CYP19A1: variants seen among roughly 807,000 people sequenced by gnomAD.
The protein encoded by CYP19A1 is aromatase.
A neutral mutation model predicts 44.4 loss-of-function variants in CYP19A1; 32 were observed. The observed-to-expected ratio is 0.72, with a 90% confidence interval of 0.54 to 0.97. The LOEUF is 0.97. CYP19A1 is among the 50% of genes least tolerant of loss of function. The probability of loss-of-function intolerance (pLI) is 0.00; values close to 1 mark genes in which losing one functional copy is unlikely to be tolerated. For missense variants in CYP19A1, 598 were observed against 637.8 expected (o/e 0.94, Z 0.67); for synonymous variants, 212 against 215.6 (o/e 0.98, Z 0.14).
intron 1 of CYP19A1, among the ~76,000 whole-genome samples, chr15:51,328,009 A>G (rs2036639315): frequency 6.6e-6 from 1 of 152,242 alleles, no homozygotes; most frequent in Admixed American, 6.5e-5. Context: ...CCTACTAAGT[A>G]GTTAGATGTC....
chr15:51,310,230 A>C (rs555148180), intron 1 of CYP19A1, among the ~76,000 whole-genome samples: 78 of 152,340 alleles, frequency 5.1e-4, no homozygotes, highest in African/African-American at 1.9e-3. Flanking sequence ...TACAAAAAAA[A>C]CAATTAACTG....
intron 4 of CYP19A1, among the ~76,000 whole-genome samples, chr15:51,226,563 C>T (rs993947553): frequency 6.6e-6 from 1 of 152,146 alleles, no homozygotes; most frequent in African/African-American, 2.4e-5. Context: ...GGCATAGCTC[C>T]CCCCATCTCA....
intron 8 of CYP19A1, 65 bp from the exon 9 acceptor site, chr15:51,212,626 G>A (rs1270371127): frequency 3.7e-6 from 4 of 1,088,674 alleles, no homozygotes. Flanking sequence ...TGGTATTAAA[G>A]CTTCTATTTT....
At chr15:51,279,357 G>T (rs577460050) in intron 1 of CYP19A1, among the ~76,000 whole-genome samples, 20 of 152,312 alleles carry the variant, frequency 1.3e-4, no homozygotes, top group Admixed American at 1.3e-3. Context: ...TGGGAGCCCA[G>T]CAGGAAGATG....
At chr15:51,328,072 G>T (rs74016707) in intron 1 of CYP19A1, among the ~76,000 whole-genome samples, 8,172 of 152,268 alleles carry the variant, frequency 0.054, 737 homozygotes, top group African/African-American at 0.19. Context: ...TGCACACAGA[G>T]TCACATGTGT....
At chr15:51,213,660 A>G (rs73393694) in intron 8 of CYP19A1, among the ~76,000 whole-genome samples, 5,463 of 152,242 alleles carry the variant, frequency 0.036, 119 homozygotes, top group African/African-American at 0.057. Context: ...CTGCTTTTCC[A>G]TCTTTGCAGA....
intron 1 of CYP19A1, chr15:51,277,963 T>TTTC (rs1031293451): frequency 2.7e-5 from 4 of 149,196 alleles, no homozygotes; most frequent in African/African-American, 1.0e-4. Context: ...AGTTTTTTTT[T>TTTC]TTTTTTTTTT....
chr15:51,301,027 C>T (rs531862443), intron 1 of CYP19A1, among the ~76,000 whole-genome samples: 6 of 152,164 alleles, frequency 3.9e-5, no homozygotes, highest in Non-Finnish European at 7.3e-5. Flanking sequence ...GGAACCAGTT[C>T]ACAGGGTGGT....
intron 1 of CYP19A1, among the ~76,000 whole-genome samples, chr15:51,308,156 G>A (rs1016523130): frequency 1.3e-5 from 2 of 152,220 alleles, no homozygotes; most frequent in African/African-American, 4.8e-5. Flanking sequence ...CCTGGAGTAG[G>A]AGGAGAAGCT....
At chr15:51,318,655 G>A (rs2141019815) in intron 1 of CYP19A1, 1 of 152,362 alleles carries the variant, frequency 6.6e-6, no homozygotes, top group African/African-American at 2.4e-5. Context: ...GGGTGTCAGA[G>A]TTTTCCCAAT....
At chr15:51,261,207 A>G (rs2034706848) in intron 1 of CYP19A1, among the ~76,000 whole-genome samples, 1 of 152,140 alleles carries the variant, frequency 6.6e-6, no homozygotes, top group Admixed American at 6.5e-5. Context: ...ATAGAGCTAT[A>G]ACACTCACCG....
intron 1 of CYP19A1, among the ~76,000 whole-genome samples, chr15:51,243,400 C>G (rs538731458): frequency 6.6e-6 from 1 of 152,312 alleles, no homozygotes; most frequent in East Asian, 1.9e-4. Context: ...TCCCAACTCC[C>G]CTTTTTGACC....
rs28892005 is a variant in CYP19A1, at chr15:51,227,748, A to AAG, written c.451+30_451+31insCT. On this transcript the variant is annotated intron_variant, in intron 4 of 9. Coordinates refer to ENST00000396402, the MANE Select transcript of CYP19A1 (RefSeq NM_000103.4). ...CAAAAAAGGCACATTCATAGACAAA[A>AAG]AAGATTGTAGCTAACTAAGTACCTG... 7.4e-6 allele frequency: 7 copies of AAG among 942,958 alleles called. 1 individual carries two copies. Among genetic ancestry groups the AAG allele is most frequent in the South Asian group, 1.4e-5 (1 of 72,250 alleles). 58.4% of individuals were successfully genotyped at this position (942,958 alleles called of 1,614,324 possible). A position where few individuals can be genotyped will look rare whatever the true frequency, so the allele number is the denominator to read the frequency against.
chr15:51,290,528 G>C (rs2035818273), intron 1 of CYP19A1, among the ~76,000 whole-genome samples: 1 of 152,194 alleles, frequency 6.6e-6, no homozygotes, highest in Admixed American at 6.5e-5. Context: ...TTCTGCCTTG[G>C]CTGTGAAAAT....
At chr15:51,212,153 A>T (rs564888503) in intron 9 of CYP19A1, 167 bp downstream of exon 9, 1 of 685,138 alleles carries the variant, frequency 1.5e-6, no homozygotes, top group African/African-American at 1.8e-5. Flanking sequence ...GAGGATGAAT[A>T]CGGGAGCCCT....
At chr15:51,240,084 G>GC (rs1339360659) in intron 2 of CYP19A1, among the ~76,000 whole-genome samples, 9 of 111,964 alleles carry the variant, frequency 8.0e-5, no homozygotes, top group Admixed American at 1.7e-4. Flanking sequence ...CCCCTTCTCC[G>GC]CAGAATGACC....
Position 51,211,052 on chromosome 15 carries a change from G to A in CYP19A1, c.1268C>T (p.Pro423Leu). 6.3e-7 allele frequency: 1 copy of A among 1,580,220 alleles called. No homozygotes were observed. ...GCCAAATGGCTGAAAGTACCTATAAGGAACCTATGAAAATGATCAGACAGT... is the reference window on the plus strand; with the variant it reads ...GCCAAATGGCTGAAAGTACCTATAAAGAACCTATGAAAATGATCAGACAGT... ...FTLENFAKNVPYRYFQPFGFG... is the reference protein window; with the variant it reads ...FTLENFAKNVLYRYFQPFGFG... Residue 423 changes from proline to leucine, a missense_variant, in exon 10 of 10, where the codon CCT becomes CTT. Physicochemically the swap from Pro to Leu is moderately conservative, Grantham distance 98. Coordinates refer to ENST00000396402, the MANE Select transcript of CYP19A1 (RefSeq NM_000103.4).
intron 1 of CYP19A1, among the ~76,000 whole-genome samples, chr15:51,247,849 G>A (rs754650740): frequency 1.3e-5 from 2 of 152,036 alleles, no homozygotes; most frequent in African/African-American, 2.4e-5. Flanking sequence ...CAGTCACAAA[G>A]TTCTAGGCAT....
chr15:51,273,931 CGA>C (rs893569745), intron 1 of CYP19A1, among the ~76,000 whole-genome samples: 2 of 152,066 alleles, frequency 1.3e-5, no homozygotes. Context: ...TGCTTGAACC[CGA>C]GAGACGGAGG....
Sources: allele counts gnomAD v4.1 joint callset (sites outside exome capture counted in the v4.1 genomes callset), GRCh38; gene constraint gnomAD v4.1.1; transcripts MANE v1.5; gene names NCBI Gene and HGNC (gene_info 2026-07-23, HGNC 2026-07-21).